CFAP36: variants seen among roughly 807,000 people sequenced by gnomAD.
CFAP36 encodes cilia- and flagella-associated protein 36.
CFAP36 carries 37 observed loss-of-function variants against 50.5 expected under a neutral mutation model. That is an observed-to-expected ratio of 0.73 (90% confidence interval 0.56 to 0.96). CFAP36 has a LOEUF of 0.96. CFAP36 is among the 50% of genes least tolerant of loss of function. The pLI is 0.00. For missense variants in CFAP36, 407 were observed against 396.2 expected (o/e 1.03, Z -0.23); for synonymous variants, 138 against 128.2 (o/e 1.08, Z -0.52).
chr2:55,525,424 T>C (rs1684181032), intron 3 of CFAP36, among the ~76,000 whole-genome samples: 1 of 152,128 alleles, frequency 6.6e-6, no homozygotes, highest in Non-Finnish European at 1.5e-5. Flanking sequence ...GCCACTGTAC[T>C]CCAGCCTGGG....
At chr2:55,536,595 C>T (rs534170680) in intron 6 of CFAP36, among the ~76,000 whole-genome samples, 105 of 151,402 alleles carry the variant, frequency 6.9e-4, no homozygotes, top group African/African-American at 2.0e-3. Context: ...GGATTACAGG[C>T]GTGTACCACC....
chr2:55,519,806 C>G lies in CFAP36; in HGVS notation c.5C>G (p.Ala2Gly). The change falls in exon 1 of 10, where the codon GCT becomes GGT. Residue 2 changes from alanine to glycine, a missense_variant. Ala to Gly is a moderately conservative substitution (Grantham distance 60). Transcript: ENST00000349456. The stretch of plus-strand genomic sequence containing the variant: ...CCGTTGCCCCTTTGGGGCGGGATGG[C>G]TGCGGAAGAAGAAGACGAGGTGGAG... The part of the protein sequence containing the change: M[A>G]AEEEDEVEWV... The G allele has an allele frequency of 6.2e-7, 1 of 1,614,208 alleles. No homozygotes were observed. The highest frequency in any genetic ancestry group is 1.3e-5 in the African/African-American group (1 of 75,074).
chr2:55,538,468 A>G (rs1684550366), intron 7 of CFAP36, among the ~76,000 whole-genome samples: 4 of 151,480 alleles, frequency 2.6e-5, no homozygotes, highest in Non-Finnish European at 5.9e-5. Flanking sequence ...CTAATTTTAT[A>G]TATTTAGTAG....
intron 5 of CFAP36, among the ~76,000 whole-genome samples, chr2:55,534,779 C>G (rs1022418293): frequency 1.3e-5 from 2 of 152,120 alleles, no homozygotes; most frequent in African/African-American, 4.8e-5. Flanking sequence ...TCCTACAGTT[C>G]CCCCCACTTA....
chr2:55,523,889 A>C, intron 3 of CFAP36, 67 bp downstream of exon 3: 1 of 951,180 alleles, frequency 1.1e-6, no homozygotes, highest in Non-Finnish European at 1.6e-6. Flanking sequence ...ACACTCACTT[A>C]AATTTGAATG....
chr2:55,538,648 C>CCCAGGCTGGGTCTCAAACTCCTGG lies in CFAP36; in HGVS notation c.640+1066_640+1089dup, dbSNP rs1275438513. ...TGTTGAGTCGGGTGTTGCTGTGTTGCCCAGGCTGGGTCTCAAACTCCTGGC... is the reference window on the plus strand; with the variant it reads ...TGTTGAGTCGGGTGTTGCTGTGTTGCCCAGGCTGGGTCTCAAACTCCTGGCCAGGCTGGGTCTCAAACTCCTGGC... On this transcript the variant is annotated intron_variant, in intron 7 of 9. Coordinates refer to ENST00000349456, the MANE Select transcript of CFAP36 (RefSeq NM_080667.7). The CCCAGGCTGGGTCTCAAACTCCTGG allele has an allele frequency of 6.7e-6, 5 of 749,520 alleles. No individual in the cohort carries two copies. The Admixed American group carries it at 1.2e-4, about 19-fold the overall frequency. The allele number at this position is 749,520 out of a possible 1,614,324, so 46.4% of individuals were successfully genotyped here.
intron 4 of CFAP36, among the ~76,000 whole-genome samples, chr2:55,533,233 A>G (rs950331107): frequency 1.3e-5 from 2 of 152,244 alleles, no homozygotes; most frequent in Non-Finnish European, 2.9e-5. Flanking sequence ...TGATTTCCGT[A>G]GTATATTCTT....
intron 7 of CFAP36, among the ~76,000 whole-genome samples, chr2:55,542,207 C>A (rs758852312): frequency 6.6e-6 from 1 of 152,170 alleles, no homozygotes; most frequent in Non-Finnish European, 1.5e-5. Flanking sequence ...TGTCTGCTTT[C>A]TTATCTAAGT....
rs1684083514 is a variant in CFAP36 at position 55,522,108 on chromosome 2, A to G, written c.122A>G (p.Asp41Gly). 8 of 1,489,870 alleles carry G rather than the reference A, an allele frequency of 5.4e-6. No individual in the cohort carries two copies. Among genetic ancestry groups the G allele is most frequent in the Non-Finnish European group, 7.4e-6 (8 of 1,083,174 alleles). The allele number at this position is 1,489,870 out of a possible 1,614,324, so 92.3% of individuals were successfully genotyped here. The stretch of plus-strand genomic sequence containing the variant: ...TATTTTCTTTTAAATTTAGTTTTTG[A>G]TGATGAAGAAGAAAGCAAATTGACC... ...DFVEQKCEVF[D>G]DEEESKLTYT... Residue 41 changes from aspartate to glycine, a missense_variant, in exon 2 of 10, where the codon GAT becomes GGT. Transcript: ENST00000349456.
chr2:55,529,897 T>G (rs1403684186), intron 4 of CFAP36, among the ~76,000 whole-genome samples: 2 of 152,104 alleles, frequency 1.3e-5, no homozygotes, highest in Non-Finnish European at 2.9e-5. Context: ...CCGCCCGCCT[T>G]GGCCTCCCAA....
chr2:55,519,871 G>C lies in CFAP36; in HGVS notation c.70G>C (p.Asp24His), dbSNP rs199958381. ...ESIAGFLRGPDWSIPILDFVE... is the reference protein window; with the variant it reads ...ESIAGFLRGPHWSIPILDFVE... The stretch of plus-strand genomic sequence containing the variant: ...CATCGCGGGGTTCCTGCGAGGCCCA[G>C]ACTGGTCCATCCCCATCTTGGACTT... The change falls in exon 1 of 10, where the codon GAC (aspartate) becomes CAC (histidine). Residue 24 changes from aspartate (D) to histidine (H), a missense_variant. Physicochemically the swap from Asp to His is moderately conservative, Grantham distance 81. Transcript: ENST00000349456. 6.2e-7 allele frequency: 1 copy of C among 1,614,246 alleles called. No homozygotes were observed. The highest frequency in any genetic ancestry group is 2.2e-5 in the East Asian group (1 of 44,882).
At chr2:55,522,270 A>G in intron 2 of CFAP36, 104 bp downstream of exon 2, 1 of 630,500 alleles carries the variant, frequency 1.6e-6, no homozygotes, top group Non-Finnish European at 2.7e-6. Context: ...CCTTAATTTT[A>G]CAAAAATCCA....
At chr2:55,524,339 A>C (rs1212438004) in intron 3 of CFAP36, among the ~76,000 whole-genome samples, 1 of 151,794 alleles carries the variant, frequency 6.6e-6, no homozygotes, top group African/African-American at 2.4e-5. Flanking sequence ...TTATAGGCTC[A>C]ACATCCCTGG....
chr2:55,544,121 A>G (rs1471409487), intron 8 of CFAP36, 47 bp downstream of exon 8: 13 of 1,609,942 alleles, frequency 8.1e-6, no homozygotes, highest in Non-Finnish European at 1.0e-5. Flanking sequence ...ATGACAAGGT[A>G]CTGGGAAATC....
chr2:55,535,299 A>T (rs1187828161), intron 5 of CFAP36, among the ~76,000 whole-genome samples: 1 of 152,208 alleles, frequency 6.6e-6, no homozygotes, highest in Non-Finnish European at 1.5e-5. Context: ...GATAGCTCAG[A>T]TGCCATTGGA....
intron 1 of CFAP36, among the ~76,000 whole-genome samples, chr2:55,521,845 G>T (rs139517806): frequency 3.3e-4 from 50 of 152,088 alleles, no homozygotes; most frequent in African/African-American, 1.2e-3. Flanking sequence ...AGCCAGGCTG[G>T]TCTCGAACTC....
intron 3 of CFAP36, among the ~76,000 whole-genome samples, chr2:55,525,408 G>A (rs1369816785): frequency 6.6e-6 from 1 of 152,094 alleles, no homozygotes; most frequent in Non-Finnish European, 1.5e-5. Context: ...AGTAAGACAA[G>A]ATCATGCCAC....
intron 7 of CFAP36, among the ~76,000 whole-genome samples, chr2:55,543,449 A>G (rs1400938548): frequency 1.3e-5 from 2 of 152,208 alleles, no homozygotes; most frequent in Admixed American, 6.5e-5. Context: ...ATAATTATAA[A>G]CAAAAATTAT....
intron 7 of CFAP36, chr2:55,538,966 T>G (rs1037183679): frequency 7.2e-7 from 1 of 1,387,052 alleles, no homozygotes. Flanking sequence ...ATGCCTAATT[T>G]AAGCTGTTTT....
Sources: allele counts gnomAD v4.1 joint callset (sites outside exome capture counted in the v4.1 genomes callset), GRCh38; gene constraint gnomAD v4.1.1; transcripts MANE v1.5; gene names NCBI Gene and HGNC (gene_info 2026-07-23, HGNC 2026-07-21).